The following SCN3A variants were observed in gnomAD, a reference collection of about 807,000 sequenced individuals.
The protein encoded by SCN3A is sodium voltage-gated channel alpha subunit 3.
Under a neutral mutation model 187.6 loss-of-function variants are expected in SCN3A, and 60 were observed. That is an observed-to-expected ratio of 0.32 (90% CI 0.26 to 0.40). The LOEUF (loss-of-function observed/expected upper bound fraction) is 0.40, where lower values mean the gene tolerates loss of function less well. SCN3A is among the 10% of genes least tolerant of loss of function. SCN3A has a pLI of 1.00. For missense variants in SCN3A, 1,601 were observed against 2,428.2 expected, an observed-to-expected ratio of 0.66 and a Z score of 7.16; for synonymous variants, 788 against 829.2, an observed-to-expected ratio of 0.95 and a Z score of 0.85.
At chr2:165,155,674 C>T (rs1688977704) in intron 10 of SCN3A, 88 bp downstream of exon 10, 3 of 1,473,518 alleles carry the variant, frequency 2.0e-6, no homozygotes, top group Middle Eastern at 1.8e-4. Flanking sequence ...GCTAGGGTTA[C>T]AGGCATGAGC....
chr2:165,176,470 G>T, intron 2 of SCN3A, 26 bp from the exon 3 acceptor site: 3 of 1,584,932 alleles, frequency 1.9e-6, no homozygotes, highest in East Asian at 2.2e-5. Context: ...AATTGCACAA[G>T]AGTTAGGAAA....
chr2:165,176,697 A>G (rs1272234711), intron 2 of SCN3A, among the ~76,000 whole-genome samples: 1 of 152,148 alleles, frequency 6.6e-6, no homozygotes, highest in Non-Finnish European at 1.5e-5. Context: ...AATGTACAGT[A>G]TATATAATAT....
intron 2 of SCN3A, among the ~76,000 whole-genome samples, chr2:165,177,322 A>T (rs1164839800): frequency 6.6e-6 from 1 of 152,166 alleles, no homozygotes; most frequent in Non-Finnish European, 1.5e-5. Context: ...GAGCTGTGTG[A>T]TTGTGGACAA....
chr2:165,095,613 G>T lies in SCN3A; in HGVS notation c.4329C>A (p.Tyr1443Ter). Residue 1443 changes from tyrosine (Y) to a stop codon, truncating the protein, a stop_gained, in exon 25 of 28, where the codon TAC (tyrosine) becomes TAA (stop). Coordinates refer to ENST00000283254, the MANE Select transcript of SCN3A (RefSeq NM_006922.4). LOFTEE classifies it high-confidence loss of function. ...KLQPVYEENL[Y>*]MYLYFVIFII... The stretch of plus-strand genomic sequence containing the variant: ...TAAAGATGACAAAGTATAAATACAT[G>T]TACAGATTTTCTTCATATACAGGCT... The T allele has an allele frequency of 6.6e-7, 1 of 1,521,402 alleles. No homozygotes were observed. The highest frequency in any genetic ancestry group is 9.1e-7 in the Non-Finnish European group (1 of 1,096,734). 94.2% of individuals were successfully genotyped at this position (1,521,402 alleles called of 1,614,324 possible).
At chr2:165,145,349 C>T (rs1230972214) in intron 12 of SCN3A, among the ~76,000 whole-genome samples, 3 of 151,944 alleles carry the variant, frequency 2.0e-5, no homozygotes, top group Non-Finnish European at 2.9e-5. Context: ...CCAAGTTGCC[C>T]TTCAGAGCTT....
chr2:165,113,694 G>T, intron 20 of SCN3A, 122 bp downstream of exon 20: 1 of 1,072,772 alleles, frequency 9.3e-7, no homozygotes, highest in Non-Finnish European at 1.4e-6. Flanking sequence ...TGGGTGCCAA[G>T]CTCTGCAAGA....
Position 165,196,751 on chromosome 2 carries a change from A to C in SCN3A, c.-248+7072T>G, listed in dbSNP as rs568054888. The stretch of plus-strand genomic sequence containing the variant: ...ATCTTTTAAAATGCATTTTGGCTTT[A>C]AAAAATATGTTCGTTTACAGAATCT... On this transcript the variant is annotated intron_variant, in intron 1 of 27. Coordinates refer to ENST00000283254, the MANE Select transcript of SCN3A (RefSeq NM_006922.4). 2.0e-5 allele frequency among the ~76,000 whole-genome samples: 3 copies of C among 152,212 alleles called. No individual in the cohort carries two copies. In the East Asian group the frequency reaches 5.8e-4, roughly 29 times the overall value.
intron 3 of SCN3A, among the ~76,000 whole-genome samples, chr2:165,173,956 A>G (rs1214982072): frequency 6.6e-6 from 1 of 152,322 alleles, no homozygotes; most frequent in East Asian, 1.9e-4. Flanking sequence ...ATAAAAATTG[A>G]CTTTGTCAAA....
At chr2:165,104,320 A>G (rs958519682) in intron 21 of SCN3A, among the ~76,000 whole-genome samples, 5 of 152,040 alleles carry the variant, frequency 3.3e-5, no homozygotes, top group Non-Finnish European at 7.4e-5. Context: ...ATAAAGCTCA[A>G]ATTAGCATGT....
intron 21 of SCN3A, among the ~76,000 whole-genome samples, chr2:165,109,112 C>A (rs1350633386): frequency 1.3e-5 from 2 of 152,140 alleles, no homozygotes; most frequent in African/African-American, 2.4e-5. Flanking sequence ...ACTATCTTCT[C>A]TGGGTTTCTA....
At chr2:165,153,692 G>T (rs1387664149) in intron 11 of SCN3A, among the ~76,000 whole-genome samples, 1 of 152,010 alleles carries the variant, frequency 6.6e-6, no homozygotes, top group Non-Finnish European at 1.5e-5. Flanking sequence ...TTATTAGAAT[G>T]GCTAAAATTA....
chr2:165,155,682 A>G, intron 10 of SCN3A, 80 bp downstream of exon 10: 1 of 1,526,878 alleles, frequency 6.5e-7, no homozygotes, highest in Non-Finnish European at 9.1e-7. Flanking sequence ...TACAGGCATG[A>G]GCCACCACAC....
intron 16 of SCN3A, 119 bp from the exon 17 acceptor site, chr2:165,130,415 G>A (rs901212561): frequency 6.0e-6 from 6 of 1,003,670 alleles, no homozygotes; most frequent in Admixed American, 4.4e-5. Context: ...AAAATATACT[G>A]AACTGATTCA....
chr2:165,170,968 G>A (rs1220022108), intron 3 of SCN3A, among the ~76,000 whole-genome samples: 2 of 151,802 alleles, frequency 1.3e-5, no homozygotes, highest in Non-Finnish European at 2.9e-5. Context: ...AGTTTATGAT[G>A]GCTTCTGATT....
intron 21 of SCN3A, among the ~76,000 whole-genome samples, chr2:165,106,989 G>T (rs1228061756): frequency 6.6e-6 from 1 of 152,160 alleles, no homozygotes; most frequent in Non-Finnish European, 1.5e-5. Context: ...TGATTGATTG[G>T]TTGTGAGGGG....
Position 165,092,364 on chromosome 2 carries a change from A to G in SCN3A, c.4697T>C (p.Ile1566Thr). The stretch of plus-strand genomic sequence containing the variant: ...CACAAATTCTCCAGTGAACAGAACA[A>G]TGAACACTAGGTTGATCCGGGACAA... ...LVLSRINLVFIVLFTGEFVLK... is the reference protein window; with the variant it reads ...LVLSRINLVFTVLFTGEFVLK... The change falls in exon 27 of 28, where the codon ATT becomes ACT. Residue 1566 changes from isoleucine to threonine, a missense_variant. Physicochemically the swap from Ile to Thr is moderately conservative, Grantham distance 89. Around this residue, in one of 11 missense-constraint regions of SCN3A, gnomAD observed 320 missense variants for 623.2 expected, o/e 0.51. Coordinates refer to ENST00000283254, the MANE Select transcript of SCN3A (RefSeq NM_006922.4). This position sits in a 1 kb window ranked among gnomAD's most constrained non-coding sequence, Gnocchi z 4.2. 1 of 1,613,982 alleles carries G rather than the reference A, an allele frequency of 6.2e-7. No individual in the cohort carries two copies. Among genetic ancestry groups the G allele is most frequent in the Non-Finnish European group, 8.5e-7 (1 of 1,179,944 alleles).
At chr2:165,124,405 C>G (rs1176927443) in intron 18 of SCN3A, among the ~76,000 whole-genome samples, 3 of 152,004 alleles carry the variant, frequency 2.0e-5, no homozygotes, top group East Asian at 3.9e-4. Context: ...AAAATTCTAT[C>G]GTATTAATCT....
At chr2:165,202,518 T>G (rs1265864180) in intron 1 of SCN3A, among the ~76,000 whole-genome samples, 2 of 152,056 alleles carry the variant, frequency 1.3e-5, no homozygotes, top group Non-Finnish European at 2.9e-5. Flanking sequence ...GTAGGAATTC[T>G]TCTGAAATAG....
intron 15 of SCN3A, among the ~76,000 whole-genome samples, chr2:165,136,671 G>C (rs1687688122): frequency 6.6e-6 from 1 of 152,204 alleles, no homozygotes; most frequent in Non-Finnish European, 1.5e-5. Context: ...TTTTTGGGTA[G>C]TTATCAACCA....
Sources: allele counts gnomAD v4.1 joint callset (sites outside exome capture counted in the v4.1 genomes callset), GRCh38; gene constraint gnomAD v4.1.1; regional missense constraint gnomAD v4.1.1; non-coding constraint Gnocchi (gnomAD v3.1); transcripts MANE v1.5; gene names NCBI Gene and HGNC (gene_info 2026-07-23, HGNC 2026-07-21).